Variants in AP3S1 observed in about 807,000 individuals in gnomAD.
AP3S1 encodes the protein adaptor related protein complex 3 subunit sigma 1.
Under a neutral mutation model 21.3 loss-of-function variants are expected in AP3S1, and 12 were observed. The ratio of observed to expected loss-of-function variants is 0.56; its 90% CI spans 0.36 to 0.91. The LOEUF (loss-of-function observed/expected upper bound fraction) is 0.91. Ranked by LOEUF, AP3S1 falls within the 40% of genes least tolerant of loss-of-function variation. The pLI is 0.01. For synonymous variants in AP3S1, 48 were observed against 78.4 expected, an observed-to-expected ratio of 0.61 and a Z score of 2.05; for missense variants, 116 against 225.0, an observed-to-expected ratio of 0.52 and a Z score of 3.10.
chr5:115,879,816 T>C (rs1239918036), intron 3 of AP3S1, among the ~76,000 whole-genome samples: 1 of 152,180 alleles, frequency 6.6e-6, no homozygotes, highest in Non-Finnish European at 1.5e-5. Flanking sequence ...AGAATTCGGC[T>C]GTCAACCTGT....
intron 3 of AP3S1, among the ~76,000 whole-genome samples, chr5:115,880,322 T>C (rs539132939): frequency 6.6e-6 from 1 of 152,338 alleles, no homozygotes; most frequent in African/African-American, 2.4e-5. Flanking sequence ...TCCCGCTTTC[T>C]CCTGTGGAGA....
At position 115,868,181 on chromosome 5, in the gene AP3S1, T is replaced by C. The variant is rs144025003; in HGVS notation, c.161+1420T>C. Among the ~76,000 whole-genome samples, 446 of 152,350 alleles carry C rather than the reference T, an allele frequency of 2.9e-3. 2 individuals carry two copies. The highest frequency in any genetic ancestry group is 0.011 in the African/African-American group (438 of 41,586). ...AGATTATATTTTTAAAGGCAAAATATGTACTTGCCGCATTAATATTTTGCT... is the reference window on the plus strand; with the variant it reads ...AGATTATATTTTTAAAGGCAAAATACGTACTTGCCGCATTAATATTTTGCT... On this transcript the variant is annotated intron_variant, in intron 2 of 5. Transcript: ENST00000316788.
chr5:115,856,502 T>G (rs1055516124), intron 1 of AP3S1, among the ~76,000 whole-genome samples: 1 of 151,806 alleles, frequency 6.6e-6, no homozygotes, highest in Non-Finnish European at 1.5e-5. Flanking sequence ...ATGCCCAGGC[T>G]GATGGGCAGT....
chr5:115,881,654 C>G (rs1001015322), intron 3 of AP3S1, among the ~76,000 whole-genome samples: 2 of 152,038 alleles, frequency 1.3e-5, no homozygotes, highest in African/African-American at 2.4e-5. Flanking sequence ...TCATTTCAAC[C>G]TTGGTGAATC....
intron 1 of AP3S1, among the ~76,000 whole-genome samples, chr5:115,855,092 A>C (rs1762711981): frequency 6.6e-6 from 1 of 151,678 alleles, no homozygotes; most frequent in Non-Finnish European, 1.5e-5. Flanking sequence ...GCTGGAGTGC[A>C]GTGGTGCAAT....
intron 2 of AP3S1, among the ~76,000 whole-genome samples, chr5:115,866,988 T>C (rs1181226370): frequency 1.3e-5 from 2 of 152,136 alleles, no homozygotes; most frequent in South Asian, 2.1e-4. Flanking sequence ...AAAGGTAATA[T>C]ATTAAATCGT....
intron 3 of AP3S1, among the ~76,000 whole-genome samples, chr5:115,870,958 A>G (rs536147030): frequency 1.2e-4 from 18 of 152,344 alleles, no homozygotes; most frequent in African/African-American, 3.8e-4. Flanking sequence ...CGAATTCTCT[A>G]ATTCCCAAAG....
In AP3S1 at chr5:115,902,878, C is replaced by T. The variant is rs748617393; in HGVS notation, c.346-7C>T. The T allele has an allele frequency of 3.8e-5, 10 of 262,166 alleles. No homozygotes were observed. In the South Asian group the frequency reaches 5.2e-4, roughly 14 times the overall value. 16.2% of individuals were successfully genotyped at this position (262,166 alleles called of 1,614,324 possible). On this transcript the variant is annotated splice_polypyrimidine_tract_variant and splice_region_variant and intron_variant, in intron 4 of 5. Coordinates refer to ENST00000316788, the MANE Select transcript of AP3S1 (RefSeq NM_001284.4). ...TTTATGGGTATATATTCTTTTATTC[C>T]CTTTAGGTTCACAATATTCTTGCAG... is the stretch of plus-strand genomic sequence containing the variant.
chr5:115,841,960 G>C lies in AP3S1; in HGVS notation c.-78G>C, dbSNP rs1233034917. On this transcript the variant is annotated 5_prime_UTR_variant, in exon 1 of 6. Coordinates refer to ENST00000316788, the MANE Select transcript of AP3S1 (RefSeq NM_001284.4). ...AGGGGGCGGGTGGGGAAGGATCGCA[G>C]GCGAGATTACGAGGCGAGGCTCGCG... 1 of 1,515,482 alleles carries C rather than the reference G, an allele frequency of 6.6e-7. No homozygotes were observed. The highest frequency in any genetic ancestry group is 8.9e-7 in the Non-Finnish European group (1 of 1,127,390). 93.9% of individuals were successfully genotyped at this position (1,515,482 alleles called of 1,614,324 possible).
intron 5 of AP3S1, among the ~76,000 whole-genome samples, chr5:115,913,123 T>C (rs567182753): frequency 7.2e-5 from 11 of 152,298 alleles, no homozygotes; most frequent in African/African-American, 1.9e-4. Flanking sequence ...CATTAATTTG[T>C]ATTTAAATCT....
At chr5:115,886,861 C>T (rs1191639228) in intron 3 of AP3S1, among the ~76,000 whole-genome samples, 2 of 152,156 alleles carry the variant, frequency 1.3e-5, no homozygotes, top group Non-Finnish European at 2.9e-5. Context: ...CTCTTAATTT[C>T]TCTATATTGA....
chr5:115,910,890 A>G (rs1007558142), intron 5 of AP3S1, among the ~76,000 whole-genome samples: 1 of 152,176 alleles, frequency 6.6e-6, no homozygotes, highest in Non-Finnish European at 1.5e-5. Flanking sequence ...AATTCATGGC[A>G]TACTACACAA....
rs113699316 is a variant in AP3S1 at position 115,907,836 on chromosome 5, C to G, written c.453+4844C>G. ...ATTACTTTTTTAAAAGTTCCATGTA[C>G]GTGGTGATGAGCAACTATTTTGTGT... On this transcript the variant is annotated intron_variant, in intron 5 of 5. Transcript: ENST00000316788. Among the ~76,000 whole-genome samples the G allele has an allele frequency of 2.9e-3, 444 of 152,102 alleles. 1 individual carries two copies. The highest frequency in any genetic ancestry group is 5.0e-3 in the Non-Finnish European group (341 of 67,970).
intron 3 of AP3S1, among the ~76,000 whole-genome samples, chr5:115,883,041 G>C (rs961995496): frequency 6.6e-6 from 1 of 152,168 alleles, no homozygotes; most frequent in Admixed American, 6.5e-5. Flanking sequence ...AATGGCAGAC[G>C]CCTCTGCCCC....
intron 1 of AP3S1, among the ~76,000 whole-genome samples, chr5:115,844,949 CTAACTCTTTGCTAAATGCATT>C (rs138794036): frequency 0.033 from 5,096 of 152,310 alleles, 317 homozygotes; most frequent in African/African-American, 0.11. Flanking sequence ...AGAAAACTCT[CTAACTCTTTGCTAAATGCATT>C]TATTTAGAAT....
chr5:115,860,252 G>A (rs940248388), intron 1 of AP3S1, among the ~76,000 whole-genome samples: 6 of 152,180 alleles, frequency 3.9e-5, no homozygotes, highest in South Asian at 2.1e-4. Context: ...AGTGCCATGC[G>A]ATGCAATTAG....
At chr5:115,871,117 T>A (rs533789271) in intron 3 of AP3S1, among the ~76,000 whole-genome samples, 4 of 152,274 alleles carry the variant, frequency 2.6e-5, no homozygotes, top group African/African-American at 9.6e-5. Context: ...CTTCCAAGAG[T>A]GTAAGGAAAC....
At chr5:115,906,864 A>G in intron 5 of AP3S1, 1 of 1,514,240 alleles carries the variant, frequency 6.6e-7, no homozygotes, top group Non-Finnish European at 8.8e-7. Context: ...TAGACAAGGT[A>G]TTGCTGACTT....
At chr5:115,910,265 TAAAA>T (rs397884038) in intron 5 of AP3S1, among the ~76,000 whole-genome samples, 12 of 125,126 alleles carry the variant, frequency 9.6e-5, no homozygotes, top group African/African-American at 1.8e-4. Flanking sequence ...CCCTGTCTCT[TAAAA>T]AAAAAAAAAA....
Sources: gnomAD v4.1 joint callset for allele counts (sites outside exome capture counted in the v4.1 genomes callset) on GRCh38, gnomAD v4.1.1 for gene constraint, MANE v1.5 for transcripts, NCBI Gene and HGNC (gene_info 2026-07-23, HGNC 2026-07-21) for gene names.